The following PID1 variants were observed in gnomAD, a reference collection of about 807,000 sequenced individuals.
PID1 encodes the protein PTB-containing, cubilin and LRP1-interacting protein.
PID1 carries 10 observed loss-of-function variants against 19.1 expected under a neutral mutation model. The observed-to-expected ratio is 0.52, with a 90% CI of 0.32 to 0.89. The LOEUF (loss-of-function observed/expected upper bound fraction) is 0.89. Among genes scored for constraint, PID1 ranks in the 40% least tolerant of loss-of-function variants. PID1 has a pLI of 0.03. For synonymous variants in PID1, 130 were observed against 116.0 expected (o/e 1.12, Z -0.78); for missense variants, 248 against 285.3 (o/e 0.87, Z 0.94).
intron 1 of PID1, among the ~76,000 whole-genome samples, chr2:229,268,333 T>A (rs533810850): frequency 1.2e-4 from 18 of 152,302 alleles, no homozygotes; most frequent in Middle Eastern, 3.4e-3. Flanking sequence ...ACGGAGCCAG[T>A]TGCTACACTC....
At chr2:229,249,006 C>A (rs1047797990) in intron 1 of PID1, among the ~76,000 whole-genome samples, 16 of 152,166 alleles carry the variant, frequency 1.1e-4, no homozygotes, top group African/African-American at 3.9e-4. Context: ...CTAAAACTTT[C>A]TCCCCCATCT....
intron 2 of PID1, among the ~76,000 whole-genome samples, chr2:229,124,415 A>C (rs764410346): frequency 6.6e-6 from 1 of 152,216 alleles, no homozygotes; most frequent in Non-Finnish European, 1.5e-5. Context: ...AAAAAGTTAG[A>C]GGAAAGAGAA....
intron 1 of PID1, among the ~76,000 whole-genome samples, chr2:229,180,248 T>A (rs1220936289): frequency 6.6e-6 from 1 of 152,202 alleles, no homozygotes. Context: ...CATCAAAGAT[T>A]AAATTATGTC....
At chr2:229,057,440 G>A (rs1458935902) in intron 2 of PID1, among the ~76,000 whole-genome samples, 3 of 148,186 alleles carry the variant, frequency 2.0e-5, no homozygotes, top group Admixed American at 6.7e-5. Flanking sequence ...TGAGCGACAG[G>A]GCCAAACTCT....
chr2:229,047,601 T>C (rs943727001), intron 2 of PID1, among the ~76,000 whole-genome samples: 5 of 152,210 alleles, frequency 3.3e-5, no homozygotes, highest in African/African-American at 1.2e-4. Flanking sequence ...TTAGCATTTA[T>C]TGAGTGCTAT....
intron 2 of PID1, among the ~76,000 whole-genome samples, chr2:229,118,884 C>T (rs1037370081): frequency 5.3e-5 from 8 of 152,102 alleles, no homozygotes; most frequent in Non-Finnish European, 1.0e-4. Flanking sequence ...AGTATAACTA[C>T]GAAAAGAAAT....
chr2:229,254,688 T>G (rs899188783), intron 1 of PID1, among the ~76,000 whole-genome samples: 4 of 152,208 alleles, frequency 2.6e-5, no homozygotes, highest in Admixed American at 6.5e-5. Flanking sequence ...TCAAGGGGTT[T>G]TATGTTTAAA....
intron 1 of PID1, among the ~76,000 whole-genome samples, chr2:229,195,319 CATAG>C (rs1229185373): frequency 6.6e-6 from 1 of 151,608 alleles, no homozygotes; most frequent in Non-Finnish European, 1.5e-5. Flanking sequence ...CCTTCATATA[CATAG>C]ATAAATGAAG....
chr2:229,110,151 A>T (rs1207061052), intron 2 of PID1, among the ~76,000 whole-genome samples: 1 of 152,182 alleles, frequency 6.6e-6, no homozygotes. Context: ...GCGTGTTAAC[A>T]AGACCTCTAG....
chr2:229,262,970 C>T, intron 1 of PID1: 4 of 1,309,340 alleles, frequency 3.1e-6, no homozygotes, highest in Admixed American at 3.3e-5. Context: ...CTTACATCTG[C>T]ACAAACCTTA....
rs1367517166 is a variant in PID1 at position 229,025,051 on chromosome 2, C to T, written c.*581G>A. 1.3e-5 allele frequency: 2 copies of T among 154,526 alleles called. No homozygotes were observed. The highest frequency in any genetic ancestry group is 4.8e-5 in the African/African-American group (2 of 41,456). The allele number at this position is 154,526 out of a possible 1,614,324, so 9.6% of individuals were successfully genotyped here. On this transcript the variant is annotated 3_prime_UTR_variant, in exon 3 of 3. Coordinates refer to ENST00000392055, the MANE Select transcript of PID1 (RefSeq NM_001100818.2). ...ATATTTATGTAAATAAAAGCATTAT[C>T]TGTAACTGTGAATTAACTGCCAACT...
At chr2:229,207,608 G>A (rs924484062) in intron 1 of PID1, among the ~76,000 whole-genome samples, 1 of 151,230 alleles carries the variant, frequency 6.6e-6, no homozygotes, top group Admixed American at 6.6e-5. Flanking sequence ...TCAGCTGGCG[G>A]TTCTCAGATG....
chr2:229,241,950 T>C (rs1332831086), intron 1 of PID1, among the ~76,000 whole-genome samples: 1 of 152,170 alleles, frequency 6.6e-6, no homozygotes, highest in African/African-American at 2.4e-5. Context: ...AACTAGTAAC[T>C]AGTAACACAG....
At chr2:229,033,208 G>A (rs747738935) in intron 2 of PID1, among the ~76,000 whole-genome samples, 1 of 152,072 alleles carries the variant, frequency 6.6e-6, no homozygotes, top group Non-Finnish European at 1.5e-5. Flanking sequence ...TAACGTCAAG[G>A]GTTCCCAAAC....
intron 2 of PID1, among the ~76,000 whole-genome samples, chr2:229,058,912 A>T (rs1694157362): frequency 6.6e-6 from 1 of 152,178 alleles, no homozygotes; most frequent in Admixed American, 6.5e-5. Context: ...CAGCCCAAAG[A>T]AAAGTGTGAT....
At chr2:229,102,868 TGAGGGTTTGGAGAA>T (rs1421198724) in intron 2 of PID1, among the ~76,000 whole-genome samples, 2 of 152,142 alleles carry the variant, frequency 1.3e-5, no homozygotes, top group Admixed American at 6.5e-5. Context: ...ACAGCCTCCA[TGAGGGTTTGGAGAA>T]GATGCTGTCT....
At chr2:229,074,188 A>G (rs1412386802) in intron 2 of PID1, among the ~76,000 whole-genome samples, 1 of 152,214 alleles carries the variant, frequency 6.6e-6, no homozygotes, top group African/African-American at 2.4e-5. Flanking sequence ...AACAAATGCC[A>G]CAATCTGTTC....
intron 2 of PID1, among the ~76,000 whole-genome samples, chr2:229,039,554 A>G (rs2106172744): frequency 1.3e-5 from 2 of 152,348 alleles, no homozygotes; most frequent in Admixed American, 1.3e-4. Flanking sequence ...ATATATACTT[A>G]AAAATGTGCG....
rs376913761 is a variant in PID1, at chr2:229,215,686, AG to A, written c.30+55327del. Among the ~76,000 whole-genome samples the A allele has an allele frequency of 5.9e-4, 90 of 152,366 alleles. 1 individual carries two copies. The East Asian group carries it at 0.017, about 29-fold the overall frequency. On this transcript the variant is annotated intron_variant, in intron 1 of 2. Transcript: ENST00000392055. ...CTTGACTCCAAAAACAAACAGTGTT[AG>A]CATCTAATCGGGAATATGTTTTATC...
Sources: allele counts gnomAD v4.1 joint callset (sites outside exome capture counted in the v4.1 genomes callset), GRCh38; gene constraint gnomAD v4.1.1; transcripts MANE v1.5; gene names NCBI Gene and HGNC (gene_info 2026-07-23, HGNC 2026-07-21).